The following CABYR variants were observed in gnomAD, a reference collection of about 807,000 sequenced individuals.
CABYR encodes calcium binding tyrosine phosphorylation regulated, also known as calcium-binding tyrosine phosphorylation-regulated protein.
CABYR carries 31 observed loss-of-function variants against 36.1 expected under a neutral mutation model. That is an observed-to-expected ratio of 0.86 (90% CI 0.64 to 1.16). The LOEUF is 1.16. Ranked by LOEUF, CABYR falls within the 50% of genes most tolerant of loss-of-function variation. The pLI is 0.00. For missense variants in CABYR, 429 were observed against 455.8 expected, an observed-to-expected ratio of 0.94 and a Z score of 0.53; for synonymous variants, 146 against 160.7, an observed-to-expected ratio of 0.91 and a Z score of 0.69.
intron 3 of CABYR, among the ~76,000 whole-genome samples, chr18:24,145,957 T>TG (rs1402531650): frequency 1.3e-5 from 2 of 152,184 alleles, no homozygotes; most frequent in African/African-American, 4.8e-5. Flanking sequence ...ATCAAATTGA[T>TG]TTGCCATTAG....
Position 24,159,540 on chromosome 18 carries a change from G to C in CABYR, c.610G>C (p.Asp204His). 1 of 1,613,994 alleles carries C rather than the reference G, an allele frequency of 6.2e-7. No homozygotes were observed. Among genetic ancestry groups the C allele is most frequent in the Non-Finnish European group, 8.5e-7 (1 of 1,180,014 alleles). ...CATGTGGACCCTTTATTGTCTAACT[G>C]ATAAGAATCAACAAGGTCACCCATC... is the stretch of plus-strand genomic sequence containing the variant. Reference protein sequence around the residue: ...SNMWTLYCLTDKNQQGHPSPP... With the variant: ...SNMWTLYCLTHKNQQGHPSPP... The change falls in exon 5 of 6, where the codon GAT becomes CAT. Residue 204 changes from aspartate to histidine, a missense_variant. Transcript: ENST00000399496.
At chr18:24,151,846 T>C (rs1054636492) in intron 3 of CABYR, among the ~76,000 whole-genome samples, 2 of 152,150 alleles carry the variant, frequency 1.3e-5, no homozygotes, top group African/African-American at 2.4e-5. Context: ...TGTGCCACTG[T>C]GTCTGGCTTA....
chr18:24,149,681 G>C (rs2085563699), intron 3 of CABYR, among the ~76,000 whole-genome samples: 1 of 152,256 alleles, frequency 6.6e-6, no homozygotes, highest in African/African-American at 2.4e-5. Context: ...GCGGGCTGCA[G>C]GTCCCGAGCC....
intron 3 of CABYR, among the ~76,000 whole-genome samples, chr18:24,149,318 TAC>T (rs1370770417): frequency 6.6e-6 from 1 of 152,088 alleles, no homozygotes; most frequent in Non-Finnish European, 1.5e-5. Flanking sequence ...AGTATCTAGA[TAC>T]AGAGTGTTGA....
At position 24,159,574 on chromosome 18, in the gene CABYR, C is replaced by G; in HGVS notation, c.644C>G (p.Pro215Arg). The G allele has an allele frequency of 6.2e-7, 1 of 1,614,108 alleles. No individual in the cohort carries two copies. The highest frequency in any genetic ancestry group is 1.3e-5 in the African/African-American group (1 of 75,002). ...KNQQGHPSPP[P>R]APGPFPQATL... ...CAACAAGGTCACCCATCACCGCCAC[C>G]TGCACCTGGGCCTTTTCCCCAAGCA... Residue 215 changes from proline to arginine, a missense_variant, in exon 5 of 6, where the codon CCT becomes CGT. By Grantham distance (103) the Pro-to-Arg change is moderately radical. Coordinates refer to ENST00000399496, the MANE Select transcript of CABYR (RefSeq NM_153769.3).
chr18:24,156,193 T>C, intron 4 of CABYR, 151 bp downstream of exon 4: 2 of 1,614,148 alleles, frequency 1.2e-6, no homozygotes, highest in Non-Finnish European at 1.7e-6. Context: ...GGAAAGGTGC[T>C]AGAAGTGCAG....
At chr18:24,145,895 C>A (rs76704165) in intron 3 of CABYR, among the ~76,000 whole-genome samples, 140 of 152,280 alleles carry the variant, frequency 9.2e-4, no homozygotes, top group Middle Eastern at 3.4e-3. Flanking sequence ...GGAGTAAGAA[C>A]AAAGCTGAAG....
chr18:24,155,854 A>T lies in CABYR; in HGVS notation c.353A>T (p.Lys118Ile). 6.2e-7 allele frequency: 1 copy of T among 1,614,200 alleles called. No individual in the cohort carries two copies. Among genetic ancestry groups the T allele is most frequent in the Non-Finnish European group, 8.5e-7 (1 of 1,180,038 alleles). The part of the protein sequence containing the change: ...DNVTRTEYSD[K>I]TTQFPSVYAV... ...GTAACCAGAACAGAATATAGTGACA[A>T]AACCACCCAGTTTCCATCAGTTTAT... Residue 118 changes from lysine to isoleucine, a missense_variant, in exon 4 of 6, where the codon AAA (lysine) becomes ATA (isoleucine). By Grantham distance (102) the Lys-to-Ile change is moderately radical. Transcript: ENST00000399496.
At chr18:24,156,092 T>C (rs765523403) in intron 4 of CABYR, 50 bp downstream of exon 4, 2 of 1,614,102 alleles carry the variant, frequency 1.2e-6, no homozygotes, top group Non-Finnish European at 1.7e-6. Flanking sequence ...TAATGGTGGA[T>C]GTGGCAACCA....
chr18:24,161,391 G>C, intron 5 of CABYR, 125 bp from the exon 6 acceptor site: 2 of 624,474 alleles, frequency 3.2e-6, no homozygotes, highest in Non-Finnish European at 5.9e-6. Context: ...AAGCCCATAG[G>C]TAACTAGTTA....
In CABYR at chr18:24,159,656, C is replaced by T. The variant is rs1390246677; in HGVS notation, c.726C>T (p.Val242=). ...DPQFQQHPPK[V]TFPTYVMGDT... ...AGTTTCAGCAGCATCCACCAAAAGTCACTTTTCCAACTTATGTGATGGGCG... is the reference window on the plus strand; with the variant it reads ...AGTTTCAGCAGCATCCACCAAAAGTTACTTTTCCAACTTATGTGATGGGCG... Residue 242 remains valine, a synonymous_variant, in exon 5 of 6, where the codon GTC becomes GTT. Transcript: ENST00000399496. 1.9e-6 allele frequency: 3 copies of T among 1,614,046 alleles called. No homozygotes were observed. Among genetic ancestry groups the T allele is most frequent in the Non-Finnish European group, 2.5e-6 (3 of 1,180,016 alleles).
chr18:24,157,507 T>C (rs948197498), intron 4 of CABYR, among the ~76,000 whole-genome samples: 1 of 152,172 alleles, frequency 6.6e-6, no homozygotes, highest in South Asian at 2.1e-4. Context: ...TGCTGGGCCA[T>C]GCGTTTGTGT....
chr18:24,141,327 A>C (rs1311885914), intron 1 of CABYR, among the ~76,000 whole-genome samples: 2 of 152,212 alleles, frequency 1.3e-5, no homozygotes, highest in Non-Finnish European at 2.9e-5. Flanking sequence ...TAACTGAACT[A>C]TGCCACTTAA....
chr18:24,154,631 AT>A (rs1392872248), intron 3 of CABYR, among the ~76,000 whole-genome samples: 1 of 152,260 alleles, frequency 6.6e-6, no homozygotes, highest in Admixed American at 6.5e-5. Context: ...AGCCAAATAT[AT>A]TCTTATGAAG....
At chr18:24,145,870 A>G (rs1010294881) in intron 3 of CABYR, among the ~76,000 whole-genome samples, 1 of 152,170 alleles carries the variant, frequency 6.6e-6, no homozygotes, top group Non-Finnish European at 1.5e-5. Context: ...AAGGTCATAC[A>G]CTCTGAATGT....
intron 3 of CABYR, among the ~76,000 whole-genome samples, chr18:24,148,990 C>T (rs1391823898): frequency 6.6e-6 from 1 of 152,174 alleles, no homozygotes; most frequent in Non-Finnish European, 1.5e-5. Flanking sequence ...TCTGGCCCCA[C>T]CCACATCCTG....
At chr18:24,155,634 T>TA in intron 3 of CABYR, 67 bp from the exon 4 acceptor site, 1 of 1,247,562 alleles carries the variant, frequency 8.0e-7, no homozygotes, top group Non-Finnish European at 1.1e-6. Context: ...TTGCCTTCTT[T>TA]AAAAATCTTT....
chr18:24,143,238 C>T lies in CABYR; in HGVS notation c.124C>T (p.Gln42Ter). ...NINQFAAAYF[Q>*]ELTMYRGNTT... ...CAACCAGTTTGCAGCAGCTTATTTTCAAGAACTTACTATGTATAGAGGTTT... is the reference window on the plus strand; with the variant it reads ...CAACCAGTTTGCAGCAGCTTATTTTTAAGAACTTACTATGTATAGAGGTTT... Residue 42 changes from glutamine to a stop codon, truncating the protein, a stop_gained, in exon 2 of 6, where the codon CAA (glutamine) becomes TAA (stop). Coordinates refer to ENST00000399496, the MANE Select transcript of CABYR (RefSeq NM_153769.3). LOFTEE classifies it high-confidence loss of function. 1.2e-6 allele frequency: 2 copies of T among 1,613,616 alleles called. No homozygotes were observed. Among genetic ancestry groups the T allele is most frequent in the Non-Finnish European group, 1.7e-6 (2 of 1,179,886 alleles).
At chr18:24,147,135 T>G (rs2145860449) in intron 3 of CABYR, among the ~76,000 whole-genome samples, 1 of 151,926 alleles carries the variant, frequency 6.6e-6, no homozygotes, top group East Asian at 1.9e-4. Context: ...CTACAGAACA[T>G]TTTTTAAAAA....
Sources: allele counts gnomAD v4.1 joint callset (sites outside exome capture counted in the v4.1 genomes callset), GRCh38; gene constraint gnomAD v4.1.1; transcripts MANE v1.5; gene names NCBI Gene and HGNC (gene_info 2026-07-23, HGNC 2026-07-21).